The following TYW3 variants were observed in gnomAD, a reference collection of about 807,000 sequenced individuals.
The protein encoded by TYW3 is tRNA wybutosine-synthesizing protein 3 homolog.
In TYW3, 26 loss-of-function variants were observed where a neutral mutation model predicts 23.1. The ratio of observed to expected loss-of-function variants is 1.13; its 90% CI spans 0.83 to 1.56. TYW3 has a LOEUF of 1.56. TYW3 is among the 40% of genes most tolerant of loss of function. The probability of loss-of-function intolerance (pLI) is 0.00; values close to 1 mark genes in which losing one functional copy is unlikely to be tolerated. For synonymous variants in TYW3, 102 were observed against 105.7 expected (o/e 0.97, Z 0.21); for missense variants, 316 against 311.9 (o/e 1.01, Z -0.10).
At position 74,744,358 on chromosome 1, in the gene TYW3, A is replaced by C. The variant is rs529899628; in HGVS notation, c.355-4393A>C. ...GTGGCCATTTTTCCCCATCAGAGAG[A>C]GAATATTGGGGCCAAGCTGTGATGC... On this transcript the variant is annotated intron_variant, in intron 3 of 5. Transcript: ENST00000370867. 4.6e-5 allele frequency among the ~76,000 whole-genome samples: 7 copies of C among 151,516 alleles called. No homozygotes were observed. The South Asian group carries it at 1.2e-3, about 27-fold the overall frequency.
intron 1 of TYW3, 123 bp downstream of exon 1, chr1:74,733,541 GTTTC>G: frequency 1.4e-6 from 2 of 1,446,440 alleles, no homozygotes; most frequent in Non-Finnish European, 1.8e-6. Context: ...GGTGGTCTCT[GTTTC>G]TTTATATGTG....
chr1:74,749,181 A>G (rs1010960862), intron 4 of TYW3, among the ~76,000 whole-genome samples: 4 of 152,202 alleles, frequency 2.6e-5, no homozygotes, highest in Admixed American at 6.5e-5. Context: ...GAATTTGGGC[A>G]AGCTCCTCAG....
At chr1:74,762,750 G>C (rs1649173045) in intron 5 of TYW3, among the ~76,000 whole-genome samples, 1 of 152,078 alleles carries the variant, frequency 6.6e-6, no homozygotes, top group Admixed American at 6.6e-5. Flanking sequence ...AAATTAATTG[G>C]AATTAGCTGA....
At chr1:74,748,362 A>T (rs754929900) in intron 3 of TYW3, among the ~76,000 whole-genome samples, 17 of 152,242 alleles carry the variant, frequency 1.1e-4, no homozygotes, top group Non-Finnish European at 2.5e-4. Flanking sequence ...AAGTTTTTTA[A>T]GCAATAGAAG....
intron 5 of TYW3, among the ~76,000 whole-genome samples, chr1:74,759,941 G>T (rs452242): frequency 0.22 from 33,324 of 152,094 alleles, 3,902 homozygotes; most frequent in Middle Eastern, 0.3. Context: ...ACCGCACCTG[G>T]CTGACATATG....
At chr1:74,753,992 C>T (rs1380046206) in intron 5 of TYW3, among the ~76,000 whole-genome samples, 1 of 152,138 alleles carries the variant, frequency 6.6e-6, no homozygotes, top group Admixed American at 6.5e-5. Flanking sequence ...AAAACCTGGC[C>T]ACAAAATACT....
chr1:74,760,932 G>C (rs1189899268), intron 5 of TYW3, among the ~76,000 whole-genome samples: 1 of 152,206 alleles, frequency 6.6e-6, no homozygotes, highest in Non-Finnish European at 1.5e-5. Context: ...CTCAGGCTTG[G>C]CCTGAAAACT....
chr1:74,741,275 T>A (rs1348915542), intron 3 of TYW3, among the ~76,000 whole-genome samples: 1 of 152,208 alleles, frequency 6.6e-6, no homozygotes, highest in Non-Finnish European at 1.5e-5. Flanking sequence ...TTCCTCAGGA[T>A]CAGAGGTAAG....
chr1:74,753,656 A>G (rs1648863021), intron 5 of TYW3, among the ~76,000 whole-genome samples: 1 of 152,238 alleles, frequency 6.6e-6, no homozygotes, highest in Non-Finnish European at 1.5e-5. Flanking sequence ...TTCATTAGAT[A>G]GTGTATTTAT....
Position 74,747,438 on chromosome 1 carries a change from C to T in TYW3, c.355-1313C>T, listed in dbSNP as rs534835006. 1.1e-4 allele frequency among the ~76,000 whole-genome samples: 16 copies of T among 151,658 alleles called. No individual in the cohort carries two copies. The South Asian group carries it at 2.9e-3, about 28-fold the overall frequency. On this transcript the variant is annotated intron_variant, in intron 3 of 5. Transcript: ENST00000370867. ...GGATCACGAGGTCAGGAGATCGAGA[C>T]CATCCCGGCTAAAACAGTGAAACCC...
chr1:74,755,199 T>C (rs1019534571), intron 5 of TYW3, among the ~76,000 whole-genome samples: 1 of 152,168 alleles, frequency 6.6e-6, no homozygotes, highest in Non-Finnish European at 1.5e-5. Flanking sequence ...TCTGATAAAA[T>C]GTACGCAATA....
intron 5 of TYW3, among the ~76,000 whole-genome samples, chr1:74,760,552 T>C (rs1465267188): frequency 1.3e-5 from 2 of 152,262 alleles, no homozygotes; most frequent in East Asian, 1.9e-4. Flanking sequence ...ACGGAGAGCA[T>C]TTTGTGATTT....
At chr1:74,752,460 A>G in intron 5 of TYW3, 35 bp downstream of exon 5, 5 of 1,594,398 alleles carry the variant, frequency 3.1e-6, no homozygotes, top group Non-Finnish European at 4.3e-6. Flanking sequence ...TTATTCTTAT[A>G]TGCCTAGATC....
intron 3 of TYW3, among the ~76,000 whole-genome samples, chr1:74,741,415 G>C (rs954549010): frequency 6.6e-6 from 1 of 152,056 alleles, no homozygotes; most frequent in Non-Finnish European, 1.5e-5. Context: ...GTTCCTCCGG[G>C]GGTGTCCAAA....
rs1437259866 is a variant in TYW3, at chr1:74,764,259, G to T, written c.*146G>T. The T allele has an allele frequency of 3.0e-6, 2 of 673,168 alleles. No homozygotes were observed. The highest frequency in any genetic ancestry group is 5.6e-5 in the East Asian group (2 of 35,560). The allele number at this position is 673,168 out of a possible 1,614,324, so 41.7% of individuals were successfully genotyped here. A position where few individuals can be genotyped will look rare whatever the true frequency, so the allele number is the denominator to read the frequency against. ...CAGAGCTTCAAACTATAACTTTGTT[G>T]CCCAGAGGATGTGCAGTTGTCATCT... is the stretch of plus-strand genomic sequence containing the variant. On this transcript the variant is annotated 3_prime_UTR_variant, in exon 6 of 6. Transcript: ENST00000370867.
intron 3 of TYW3, among the ~76,000 whole-genome samples, chr1:74,747,667 A>G (rs1314708362): frequency 6.6e-6 from 1 of 151,442 alleles, no homozygotes; most frequent in African/African-American, 2.4e-5. Flanking sequence ...GAAAAAAAGA[A>G]AAGAAAAGAA....
intron 3 of TYW3, 95 bp downstream of exon 3, chr1:74,738,883 C>A: frequency 5.4e-6 from 4 of 736,698 alleles, no homozygotes; most frequent in Non-Finnish European, 8.8e-6. Flanking sequence ...TGAGATATTA[C>A]CTTATTCAAC....
intron 3 of TYW3, 69 bp downstream of exon 3, chr1:74,738,857 C>G: frequency 8.7e-7 from 1 of 1,146,772 alleles, no homozygotes; most frequent in South Asian, 1.4e-5. Flanking sequence ...AGCTTTTAAC[C>G]TGCTATAAAT....
intron 1 of TYW3, chr1:74,734,289 T>C (rs28602706): frequency 0.39 from 59,804 of 152,066 alleles, 14,415 homozygotes; most frequent in Non-Finnish European, 0.55. Flanking sequence ...AATATTCCAC[T>C]ATATATTCTT....
Sources: allele counts gnomAD v4.1 joint callset (sites outside exome capture counted in the v4.1 genomes callset), GRCh38; gene constraint gnomAD v4.1.1; transcripts MANE v1.5; gene names NCBI Gene and HGNC (gene_info 2026-07-23, HGNC 2026-07-21).